Variants in GOLM2 observed in about 807,000 individuals in gnomAD.
GOLM2 encodes the protein protein GOLM2.
Under a neutral mutation model 55.9 loss-of-function variants are expected in GOLM2, and 26 were observed. The observed-to-expected ratio is 0.47, with a 90% CI of 0.34 to 0.65. The LOEUF is 0.65. Among genes scored for constraint, GOLM2 ranks in the 30% least tolerant of loss-of-function variants. The pLI, the probability that GOLM2 is intolerant of heterozygous loss-of-function variation, is 0.01. For missense variants in GOLM2, 486 were observed against 531.8 expected (o/e 0.91, Z 0.85); for synonymous variants, 165 against 194.6 (o/e 0.85, Z 1.27).
chr15:44,292,204 T>A (rs866874879), intron 1 of GOLM2, among the ~76,000 whole-genome samples: 40 of 143,008 alleles, frequency 2.8e-4, no homozygotes, highest in Middle Eastern at 3.6e-3. Flanking sequence ...TATATATATT[T>A]TTTTTTTTTT....
intron 3 of GOLM2, among the ~76,000 whole-genome samples, chr15:44,330,502 A>G (rs1393897174): frequency 1.3e-5 from 2 of 149,156 alleles, no homozygotes; most frequent in Non-Finnish European, 3.0e-5. Flanking sequence ...GACAAGAGCG[A>G]AACTCCATCT....
intron 6 of GOLM2, among the ~76,000 whole-genome samples, chr15:44,339,320 C>G (rs2079076470): frequency 6.6e-6 from 1 of 151,906 alleles, no homozygotes; most frequent in Admixed American, 6.6e-5. Context: ...ATGAAGTAAT[C>G]CAGTGATTTT....
intron 1 of GOLM2, among the ~76,000 whole-genome samples, chr15:44,297,547 T>C (rs1297786408): frequency 6.6e-6 from 1 of 151,652 alleles, no homozygotes; most frequent in Non-Finnish European, 1.5e-5. Flanking sequence ...ATATTTATTA[T>C]ACCAATTTTT....
At chr15:44,377,489 G>A (rs2079372157) in intron 6 of GOLM2, among the ~76,000 whole-genome samples, 1 of 152,194 alleles carries the variant, frequency 6.6e-6, no homozygotes, top group Non-Finnish European at 1.5e-5. Flanking sequence ...TGGTGCCTCA[G>A]GCCCCCAAGT....
intron 1 of GOLM2, among the ~76,000 whole-genome samples, chr15:44,311,062 T>C (rs984340256): frequency 2.6e-5 from 4 of 151,926 alleles, no homozygotes; most frequent in Admixed American, 1.3e-4. Flanking sequence ...CAAACATACA[T>C]ACATACCTGG....
chr15:44,381,041 T>G, intron 8 of GOLM2, 65 bp downstream of exon 8: 2 of 961,878 alleles, frequency 2.1e-6, no homozygotes, highest in Admixed American at 3.2e-5. Context: ...AATTAAGGTC[T>G]TCATTATTCT....
chr15:44,376,567 A>G (rs920311609), intron 6 of GOLM2, among the ~76,000 whole-genome samples: 8 of 152,236 alleles, frequency 5.3e-5, no homozygotes, highest in African/African-American at 1.9e-4. Flanking sequence ...GATTTTTTAA[A>G]TTAAAAAGAA....
intron 3 of GOLM2, among the ~76,000 whole-genome samples, chr15:44,331,507 T>C (rs1397473537): frequency 6.6e-6 from 1 of 152,214 alleles, no homozygotes; most frequent in Non-Finnish European, 1.5e-5. Context: ...TCTTCTTTAT[T>C]AGTTTCTTTC....
At chr15:44,344,340 A>G (rs940985282) in intron 6 of GOLM2, among the ~76,000 whole-genome samples, 1 of 150,504 alleles carries the variant, frequency 6.6e-6, no homozygotes, top group Non-Finnish European at 1.5e-5. Context: ...GTTATAGAGC[A>G]TGTGCCTAGG....
intron 8 of GOLM2, among the ~76,000 whole-genome samples, chr15:44,385,801 TCCC>T (rs1217559924): frequency 6.6e-6 from 1 of 152,130 alleles, no homozygotes; most frequent in Non-Finnish European, 1.5e-5. Context: ...CAAACAATCC[TCCC>T]ATCTTGGCCT....
Position 44,379,769 on chromosome 15 carries a change from C to A in GOLM2, c.882C>A (p.Leu294=), listed in dbSNP as rs776565514. 1.1e-5 allele frequency: 17 copies of A among 1,608,824 alleles called. No individual in the cohort carries two copies. Among genetic ancestry groups the A allele is most frequent in the Middle Eastern group, 1.7e-4 (1 of 6,042 alleles). Reference sequence around the variant, plus strand: ...CCCATCTTCCAACTGGACAACCTCTCTCCCCAAATATGCCTCCAGGTATGA... The same window carrying A: ...CCCATCTTCCAACTGGACAACCTCTATCCCCAAATATGCCTCCAGGTATGA... ...AISHLPTGQP[L]SPNMPPDSHI... is the part of the protein sequence containing the mutation. Residue 294 remains leucine, a synonymous_variant, in exon 7 of 10, where the codon CTC becomes CTA. Transcript: ENST00000299957.
chr15:44,297,975 C>T (rs1409552079), intron 1 of GOLM2, among the ~76,000 whole-genome samples: 1 of 150,378 alleles, frequency 6.6e-6, no homozygotes, highest in Non-Finnish European at 1.5e-5. Flanking sequence ...TTAAGCGACT[C>T]TCCTGCCTCA....
chr15:44,346,264 G>C (rs1465684850), intron 6 of GOLM2: 1 of 151,684 alleles, frequency 6.6e-6, no homozygotes, highest in Non-Finnish European at 1.5e-5. Context: ...AGATTTTCTA[G>C]AACAGAGGCT....
At chr15:44,341,852 GC>G (rs914346060) in intron 6 of GOLM2, among the ~76,000 whole-genome samples, 2 of 151,492 alleles carry the variant, frequency 1.3e-5, no homozygotes, top group African/African-American at 4.9e-5. Context: ...CCACCACCAC[GC>G]CCGGCTAATT....
intron 2 of GOLM2, among the ~76,000 whole-genome samples, chr15:44,326,043 C>T (rs2078978517): frequency 6.6e-6 from 1 of 151,990 alleles, no homozygotes; most frequent in Admixed American, 6.6e-5. Context: ...GCGGGCAGAT[C>T]ACAAGGTCAG....
Position 44,347,286 on chromosome 15 carries a change from G to A in GOLM2, c.802+8969G>A, listed in dbSNP as rs532587209. Among the ~76,000 whole-genome samples, 3 of 152,288 alleles carry A rather than the reference G, an allele frequency of 2.0e-5. No homozygotes were observed. The South Asian group carries it at 6.2e-4, about 32-fold the overall frequency. On this transcript the variant is annotated intron_variant, in intron 6 of 9. Transcript: ENST00000299957. ...AATCAGGTGAGCAATCACAGTACCT[G>A]GTTTTAACTTAATATTGTTAAAAGG...
chr15:44,351,003 C>T (rs1021914651), intron 6 of GOLM2, among the ~76,000 whole-genome samples: 21 of 152,104 alleles, frequency 1.4e-4, no homozygotes, highest in African/African-American at 5.1e-4. Context: ...CCATATGTGG[C>T]AGACCCACAG....
chr15:44,380,682 G>T (rs1345190823), intron 7 of GOLM2, 124 bp from the exon 8 acceptor site: 7 of 500,582 alleles, frequency 1.4e-5, no homozygotes, highest in Middle Eastern at 5.9e-4. Flanking sequence ...AAAAAAAAAA[G>T]CTTTGTGGCT....
At chr15:44,379,646 ATAGTATC>A in intron 6 of GOLM2, 37 bp from the exon 7 acceptor site, 1 of 766,008 alleles carries the variant, frequency 1.3e-6, no homozygotes, top group Non-Finnish European at 2.1e-6. Flanking sequence ...TTTAGAAATC[ATAGTATC>A]AATGGGAATA....
Sources: allele counts gnomAD v4.1 joint callset (sites outside exome capture counted in the v4.1 genomes callset), GRCh38; gene constraint gnomAD v4.1.1; transcripts MANE v1.5; gene names NCBI Gene and HGNC (gene_info 2026-07-23, HGNC 2026-07-21).